The following COL6A6 variants were observed in gnomAD, a reference collection of about 807,000 sequenced individuals.
COL6A6 encodes collagen type VI alpha 6 chain.
COL6A6 carries 183 observed loss-of-function variants against 208.6 expected under a neutral mutation model. That is an observed-to-expected ratio of 0.88 (90% confidence interval 0.78 to 0.99). The LOEUF is 0.99. COL6A6 is among the 50% of genes least tolerant of loss of function. COL6A6 has a pLI of 0.00. For synonymous variants in COL6A6, 973 were observed against 1,011.8 expected, an observed-to-expected ratio of 0.96 and a Z score of 0.73; for missense variants, 2,816 against 2,815.2, an observed-to-expected ratio of 1.00 and a Z score of -0.01.
chr3:130,579,434 A>T (rs986895038), intron 8 of COL6A6, among the ~76,000 whole-genome samples: 1 of 152,198 alleles, frequency 6.6e-6, no homozygotes, highest in Non-Finnish European at 1.5e-5. Context: ...GGTGACCAGC[A>T]TGTGACTGAA....
At chr3:130,634,530 C>A in intron 26 of COL6A6, 60 bp from the exon 27 acceptor site, 1 of 1,465,798 alleles carries the variant, frequency 6.8e-7, no homozygotes, top group South Asian at 1.2e-5. Context: ...AATTGAAAAT[C>A]AATGTAGACT....
chr3:130,627,246 G>A (rs2064916920), intron 25 of COL6A6, 73 bp from the exon 26 acceptor site: 4 of 1,428,292 alleles, frequency 2.8e-6, no homozygotes, highest in Non-Finnish European at 3.9e-6. Flanking sequence ...AGCTGGCAAT[G>A]TTGTCCTCTT....
rs747567308 is a variant in COL6A6 at position 130,661,954 on chromosome 3, GA to G, written c.6149del (p.Glu2050GlyfsTer6). 1.7e-5 allele frequency: 27 copies of G among 1,613,940 alleles called. No individual in the cohort carries two copies. The East Asian group carries it at 6.0e-4, about 36-fold the overall frequency. On this transcript the variant is annotated frameshift_variant, in exon 35 of 37. Coordinates refer to ENST00000358511, the MANE Select transcript of COL6A6 (RefSeq NM_001102608.3). LOFTEE classifies it high-confidence loss of function. ...SKRLMKRHVH[E>X]SVKQLNGDAF... is the part of the protein sequence containing the mutation. ...GCGCCTCATGAAGAGGCATGTGCAC[GA>G]GTCAGTTAAACAACTAAATGGAGAT...
At chr3:130,621,942 C>CTAATTGTA in intron 24 of COL6A6, 59 bp downstream of exon 24, 5 of 1,401,806 alleles carry the variant, frequency 3.6e-6, no homozygotes, top group Non-Finnish European at 5.1e-6. Context: ...AGAACTGTGT[C>CTAATTGTA]TAATTGTATT....
chr3:130,608,971 A>G lies in COL6A6; in HGVS notation c.4752+7A>G, dbSNP rs1346875014. 3.1e-6 allele frequency: 5 copies of G among 1,604,362 alleles called. No homozygotes were observed. The South Asian group carries it at 4.4e-5, about 14-fold the overall frequency. ...GGGACTTAAGGGCCCTCAGGTACATATCAAGACCAATCAGGGTGTGAGAAC... is the reference window on the plus strand; with the variant it reads ...GGGACTTAAGGGCCCTCAGGTACATGTCAAGACCAATCAGGGTGTGAGAAC... On this transcript the variant is annotated splice_region_variant and intron_variant, in intron 22 of 36. Coordinates refer to ENST00000358511, the MANE Select transcript of COL6A6 (RefSeq NM_001102608.3).
chr3:130,583,549 G>T (rs533586826), intron 10 of COL6A6, among the ~76,000 whole-genome samples: 1 of 152,168 alleles, frequency 6.6e-6, no homozygotes, highest in Non-Finnish European at 1.5e-5. Context: ...TAGTAAATGG[G>T]TATCAACTTC....
chr3:130,542,474 G>A (rs1231283677), intron 1 of COL6A6, among the ~76,000 whole-genome samples: 3 of 152,096 alleles, frequency 2.0e-5, no homozygotes, highest in Admixed American at 6.6e-5. Flanking sequence ...TTCCATGTGA[G>A]CTTGAGAAGA....
chr3:130,527,247 C>CT (rs1559949641), intron 1 of COL6A6, among the ~76,000 whole-genome samples: 1 of 152,166 alleles, frequency 6.6e-6, no homozygotes. Context: ...GTCTATTACA[C>CT]TTTTTTCTCT....
At chr3:130,584,621 A>G (rs1016055740) in intron 10 of COL6A6, among the ~76,000 whole-genome samples, 14 of 151,412 alleles carry the variant, frequency 9.2e-5, no homozygotes, top group African/African-American at 3.2e-4. Context: ...TTTTAAATTA[A>G]TTTATTTTTT....
chr3:130,589,950 C>T (rs1394727629), intron 12 of COL6A6: 1 of 442,706 alleles, frequency 2.3e-6, no homozygotes, highest in Non-Finnish European at 4.5e-6. Flanking sequence ...AGTTTTTGGA[C>T]TAATTATTTC....
At chr3:130,606,819 A>T (rs1244972543) in intron 20 of COL6A6, 112 bp from the exon 21 acceptor site, 8 of 714,334 alleles carry the variant, frequency 1.1e-5, no homozygotes, top group African/African-American at 1.8e-5. Context: ...TGTAAGCACT[A>T]TGTGGGAATT....
chr3:130,649,683 T>C (rs2108404508), intron 33 of COL6A6, 121 bp downstream of exon 33: 1 of 1,049,196 alleles, frequency 9.5e-7, no homozygotes, highest in Non-Finnish European at 1.3e-6. Context: ...AAATTCTGGA[T>C]TGGCAGAGTA....
At chr3:130,579,810 G>A (rs1046072351) in intron 8 of COL6A6, among the ~76,000 whole-genome samples, 1 of 152,140 alleles carries the variant, frequency 6.6e-6, no homozygotes, top group East Asian at 1.9e-4. Flanking sequence ...TGTCTCAGTG[G>A]AGTTTTTAGG....
At chr3:130,538,005 AC>A (rs1469375348) in intron 1 of COL6A6, among the ~76,000 whole-genome samples, 1 of 152,246 alleles carries the variant, frequency 6.6e-6, no homozygotes, top group African/African-American at 2.4e-5. Context: ...AAAGATAATT[AC>A]ACACAGATTA....
rs2065564345 is a variant in COL6A6, at chr3:130,649,414, A to G, written c.5585A>G (p.His1862Arg). 1 of 1,613,164 alleles carries G rather than the reference A, an allele frequency of 6.2e-7. No individual in the cohort carries two copies. The highest frequency in any genetic ancestry group is 8.5e-7 in the Non-Finnish European group (1 of 1,179,606). ...TTCAAGCGGACGCTTCCGGGGGCAC[A>G]CACGAGAAAAATCGCCACATTTTTC... Reference protein sequence around the residue: ...NVFKRTLPGAHTRKIATFFSS... With the variant: ...NVFKRTLPGARTRKIATFFSS... The change falls in exon 33 of 37, where the codon CAC becomes CGC. Residue 1862 changes from histidine (H) to arginine (R), a missense_variant. Coordinates refer to ENST00000358511, the MANE Select transcript of COL6A6 (RefSeq NM_001102608.3).
intron 23 of COL6A6, among the ~76,000 whole-genome samples, chr3:130,611,231 A>T (rs2064349391): frequency 6.6e-6 from 1 of 151,594 alleles, no homozygotes; most frequent in Admixed American, 6.6e-5. Context: ...ACTCCTCCAG[A>T]TTCACAGTGC....
At chr3:130,626,041 A>T (rs1423153115) in intron 24 of COL6A6, among the ~76,000 whole-genome samples, 1 of 152,230 alleles carries the variant, frequency 6.6e-6, no homozygotes, top group Non-Finnish European at 1.5e-5. Flanking sequence ...GATTAATAAC[A>T]CACAGTAGAT....
chr3:130,583,546 T>C (rs1370979958), intron 10 of COL6A6, among the ~76,000 whole-genome samples: 2 of 152,184 alleles, frequency 1.3e-5, no homozygotes, highest in East Asian at 3.8e-4. Flanking sequence ...AACTAGTAAA[T>C]GGGTATCAAC....
Position 130,565,224 on chromosome 3 carries a change from A to G in COL6A6, c.892A>G (p.Asn298Asp). ...NKSEVLQHIQNLSPRTGKAYT... is the reference protein window; with the variant it reads ...NKSEVLQHIQDLSPRTGKAYT... ...GTCAGAGGTTCTCCAGCATATACAG[A>G]ACCTTTCTCCCCGAACTGGGAAGGC... Residue 298 changes from asparagine (N) to aspartate (D), a missense_variant, in exon 4 of 37, where the codon AAC becomes GAC. Physicochemically the swap from Asn to Asp is conservative, Grantham distance 23. Coordinates refer to ENST00000358511, the MANE Select transcript of COL6A6 (RefSeq NM_001102608.3). The G allele has an allele frequency of 1.2e-6, 2 of 1,614,056 alleles. No homozygotes were observed. The highest frequency in any genetic ancestry group is 1.1e-5 in the South Asian group (1 of 91,088).
Sources: allele counts gnomAD v4.1 joint callset (sites outside exome capture counted in the v4.1 genomes callset), GRCh38; gene constraint gnomAD v4.1.1; transcripts MANE v1.5; gene names NCBI Gene and HGNC (gene_info 2026-07-23, HGNC 2026-07-21).